LRRC37A3: variants seen among roughly 807,000 people sequenced by gnomAD.
LRRC37A3 encodes leucine rich repeat containing 37 member A3, also known as leucine-rich repeat-containing protein 37A3.
A neutral mutation model predicts 106.2 loss-of-function variants in LRRC37A3; 25 were observed. That is an observed-to-expected ratio of 0.24 (90% CI 0.17 to 0.33). The LOEUF is 0.33. Among genes scored for constraint, LRRC37A3 ranks in the 10% least tolerant of loss-of-function variants. The pLI, the probability that LRRC37A3 is intolerant of heterozygous loss-of-function variation, is 1.00. For synonymous variants in LRRC37A3, 305 were observed against 635.8 expected (o/e 0.48, Z 7.83); for missense variants, 712 against 1,644.9 (o/e 0.43, Z 9.81).
chr17:64,866,789 C>T (rs1322272530), intron 10 of LRRC37A3, among the ~76,000 whole-genome samples: 2 of 135,464 alleles, frequency 1.5e-5, no homozygotes, highest in South Asian at 2.2e-4. Context: ...TGCCACCACA[C>T]CTGGCTGATT....
intron 2 of LRRC37A3, among the ~76,000 whole-genome samples, chr17:64,904,336 G>A (rs1180330441): frequency 6.6e-6 from 1 of 152,276 alleles, no homozygotes; most frequent in Non-Finnish European, 1.5e-5. Flanking sequence ...TTAGCCACAT[G>A]TGGTGGCGCA....
At position 64,860,661 on chromosome 17, in the gene LRRC37A3, T is replaced by A. The variant is rs780195636; in HGVS notation, c.3485A>T (p.Gln1162Leu). 8 of 1,613,922 alleles carry A rather than the reference T, an allele frequency of 5.0e-6. No homozygotes were observed. The African/African-American group carries it at 5.3e-5, about 11-fold the overall frequency. ...GCCCATGAGGACTCTATTCAGTCTC[T>A]GCCGGTTTTTGCCTACAGTTTGAAT... ...AKIQTVGKNR[Q>L]RLNRVLMGPR... Residue 1162 changes from glutamine (Q) to leucine (L), a missense_variant, in exon 12 of 15, where the codon CAG becomes CTG. Coordinates refer to ENST00000584306, the MANE Select transcript of LRRC37A3 (RefSeq NM_199340.5).
At chr17:64,910,791 AC>A (rs932349314) in intron 2 of LRRC37A3, among the ~76,000 whole-genome samples, 13 of 149,062 alleles carry the variant, frequency 8.7e-5, no homozygotes, top group African/African-American at 1.5e-4. Context: ...ACAGGAGCCC[AC>A]CACCACACCC....
At chr17:64,883,216 T>C (rs1057195937) in intron 8 of LRRC37A3, among the ~76,000 whole-genome samples, 2 of 152,242 alleles carry the variant, frequency 1.3e-5, no homozygotes, top group African/African-American at 4.8e-5. Flanking sequence ...TCGATATGGT[T>C]GTTTGACTTT....
At position 64,858,769 on chromosome 17, in the gene LRRC37A3, T is replaced by C; in HGVS notation, c.4809+10A>G. ...GCATTCTGAAAACCTGAATTAATTA[T>C]TGTCCTTACCTCAATGAGGCAGAGA... On this transcript the variant is annotated intron_variant, in intron 13 of 14. Coordinates refer to ENST00000584306, the MANE Select transcript of LRRC37A3 (RefSeq NM_199340.5). 6.3e-7 allele frequency: 1 copy of C among 1,589,666 alleles called. No individual in the cohort carries two copies. Among genetic ancestry groups the C allele is most frequent in the South Asian group, 1.1e-5 (1 of 90,566 alleles).
At position 64,860,501 on chromosome 17, in the gene LRRC37A3, T is replaced by C; in HGVS notation, c.3645A>G (p.Lys1215=). 2 of 1,613,192 alleles carry C rather than the reference T, an allele frequency of 1.2e-6. No individual in the cohort carries two copies. Among genetic ancestry groups the C allele is most frequent in the Non-Finnish European group, 1.7e-6 (2 of 1,179,860 alleles). The change falls in exon 12 of 15, where the codon AAA becomes AAG. Residue 1215 remains lysine, a synonymous_variant. Coordinates refer to ENST00000584306, the MANE Select transcript of LRRC37A3 (RefSeq NM_199340.5). ...CAGGCCCCTGCTGTGTGTGAGGCTG[T>C]TTCAGCTCCCTTGGGGCTGGACTTC... ...RLGSPAPREL[K]QPHTQQGPEK...
Position 64,859,640 on chromosome 17 carries a change from C to G in LRRC37A3, c.4506G>C (p.Lys1502Asn). ...RLIAHVIRTL[K>N]MDCSGAHVQV... ...GCACATGGGCCCCAGAGCAGTCCATCTTCAAGGTCCGGATAACATGAGCAA... is the reference window on the plus strand; with the variant it reads ...GCACATGGGCCCCAGAGCAGTCCATGTTCAAGGTCCGGATAACATGAGCAA... Residue 1502 changes from lysine (K) to asparagine (N), a missense_variant, in exon 12 of 15, where the codon AAG (lysine) becomes AAC (asparagine). Transcript: ENST00000584306. The G allele has an allele frequency of 6.2e-7, 1 of 1,613,672 alleles. No individual in the cohort carries two copies. Among genetic ancestry groups the G allele is most frequent in the East Asian group, 2.2e-5 (1 of 44,866 alleles).
At chr17:64,869,308 A>C (rs1973223972) in intron 8 of LRRC37A3, 142 bp from the exon 9 acceptor site, 7 of 1,384,336 alleles carry the variant, frequency 5.1e-6, no homozygotes, top group Middle Eastern at 5.3e-4. Flanking sequence ...AATCACCATT[A>C]GACTCCGTAA....
At chr17:64,869,260 G>C in intron 8 of LRRC37A3, 94 bp from the exon 9 acceptor site, 7 of 1,575,242 alleles carry the variant, frequency 4.4e-6, no homozygotes, top group Non-Finnish European at 6.0e-6. Flanking sequence ...GAACTTGTAG[G>C]TAAAAAAGAA....
At chr17:64,916,269 G>A (rs1974698411) in intron 2 of LRRC37A3, among the ~76,000 whole-genome samples, 1 of 152,058 alleles carries the variant, frequency 6.6e-6, no homozygotes, top group African/African-American at 2.4e-5. Flanking sequence ...GCTGGGCGTG[G>A]TGGCGGGTGC....
chr17:64,879,014 T>C (rs1476694696), intron 8 of LRRC37A3, among the ~76,000 whole-genome samples: 6 of 152,226 alleles, frequency 3.9e-5, no homozygotes, highest in Non-Finnish European at 2.9e-5. Context: ...GAATGATCCA[T>C]GCTGCAGCAT....
At chr17:64,912,376 A>AG (rs1263718697) in intron 2 of LRRC37A3, among the ~76,000 whole-genome samples, 2 of 145,286 alleles carry the variant, frequency 1.4e-5, no homozygotes, top group African/African-American at 2.5e-5. Context: ...TACAATTATA[A>AG]GGGGGGGCTA....
At chr17:64,917,048 A>G (rs1974719115) in intron 2 of LRRC37A3, among the ~76,000 whole-genome samples, 1 of 151,580 alleles carries the variant, frequency 6.6e-6, no homozygotes, top group South Asian at 2.1e-4. Flanking sequence ...TATCGAGACC[A>G]TCCTCGCTAA....
chr17:64,858,080 C>T (rs1338908597), intron 13 of LRRC37A3, among the ~76,000 whole-genome samples: 1 of 152,148 alleles, frequency 6.6e-6, no homozygotes, highest in African/African-American at 2.4e-5. Context: ...CAGATGTAGG[C>T]TTTAGGTAAG....
chr17:64,877,042 C>G (rs1973535683), intron 8 of LRRC37A3: 1 of 152,204 alleles, frequency 6.6e-6, no homozygotes. Context: ...GCACGATTCT[C>G]CAAATTGATC....
At chr17:64,859,077 C>T (rs1233144347) in intron 12 of LRRC37A3, among the ~76,000 whole-genome samples, 194 bp from the exon 13 acceptor site, 1 of 152,032 alleles carries the variant, frequency 6.6e-6, no homozygotes, top group Non-Finnish European at 1.5e-5. Flanking sequence ...CTCAGCCTCC[C>T]AAGTAGCTGG....
intron 1 of LRRC37A3, 116 bp from the exon 2 acceptor site, chr17:64,918,986 C>T: frequency 8.3e-7 from 1 of 1,207,960 alleles, no homozygotes; most frequent in Non-Finnish European, 1.0e-6. Flanking sequence ...GCCCCCGCCT[C>T]CCCCCGGCCG....
intron 4 of LRRC37A3, among the ~76,000 whole-genome samples, chr17:64,893,771 T>G (rs1326769548): frequency 1.4e-5 from 2 of 144,596 alleles, no homozygotes; most frequent in Non-Finnish European, 3.0e-5. Flanking sequence ...TGCCTCAGCC[T>G]CCCAAGTAGC....
rs1210959596 is a variant in LRRC37A3 at position 64,856,984 on chromosome 17, G to GA, written c.4810-1096dup. On this transcript the variant is annotated intron_variant, in intron 13 of 14. Transcript: ENST00000584306. Reference sequence around the variant, plus strand: ...GGGTGACAACAAGGCCCTGAGAAGGGAAAAAAAAGGAAAGGAAAGGAAAGG... The same window carrying GA: ...GGGTGACAACAAGGCCCTGAGAAGGGAAAAAAAAAGGAAAGGAAAGGAAAGG... Among the ~76,000 whole-genome samples, 14 of 150,772 alleles carry GA rather than the reference G, an allele frequency of 9.3e-5. 1 individual carries two copies. The highest frequency in any genetic ancestry group is 4.2e-4 in the South Asian group (2 of 4,768).
Sources: gnomAD v4.1 joint callset for allele counts (sites outside exome capture counted in the v4.1 genomes callset) on GRCh38, gnomAD v4.1.1 for gene constraint, MANE v1.5 for transcripts, NCBI Gene and HGNC (gene_info 2026-07-23, HGNC 2026-07-21) for gene names.